The following PDE4D variants were observed in gnomAD, a reference collection of about 807,000 sequenced individuals.
PDE4D encodes phosphodiesterase 4D.
In PDE4D, 24 loss-of-function variants were observed where a neutral mutation model predicts 87.4. That is an observed-to-expected ratio of 0.27 (90% CI 0.20 to 0.39). The LOEUF (loss-of-function observed/expected upper bound fraction) is 0.39, where lower values mean the gene tolerates loss of function less well. PDE4D is among the 10% of genes least tolerant of loss of function. The pLI is 1.00. For synonymous variants in PDE4D, 384 were observed against 383.2 expected, an observed-to-expected ratio of 1.00 and a Z score of -0.02; for missense variants, 714 against 1,041.0, an observed-to-expected ratio of 0.69 and a Z score of 4.32.
At chr5:59,277,887 T>A (rs1051005542) in intron 1 of PDE4D, among the ~76,000 whole-genome samples, 2 of 152,128 alleles carry the variant, frequency 1.3e-5, no homozygotes, top group African/African-American at 4.8e-5. Context: ...CCTAACACAC[T>A]TATTGGGCAT....
At chr5:59,402,434 C>T (rs1790815610) in intron 1 of PDE4D, among the ~76,000 whole-genome samples, 1 of 152,186 alleles carries the variant, frequency 6.6e-6, no homozygotes, top group Non-Finnish European at 1.5e-5. Context: ...GCCAGGTGTA[C>T]ATGTCTCCTC....
intron 2 of PDE4D, among the ~76,000 whole-genome samples, chr5:60,015,697 G>T (rs1002005037): frequency 6.6e-6 from 1 of 152,020 alleles, no homozygotes; most frequent in Non-Finnish European, 1.5e-5. Context: ...ATGTGGATGG[G>T]CCTCACTCAA....
intron 5 of PDE4D, among the ~76,000 whole-genome samples, chr5:59,061,939 G>A (rs1763190355): frequency 6.6e-6 from 1 of 152,056 alleles, no homozygotes; most frequent in African/African-American, 2.4e-5. Context: ...CACTGAAATA[G>A]TGAAGGGATG....
At chr5:59,522,533 TAGGCCCCCAG>T (rs903787454) in intron 1 of PDE4D, among the ~76,000 whole-genome samples, 12 of 152,234 alleles carry the variant, frequency 7.9e-5, no homozygotes, top group African/African-American at 2.7e-4. Flanking sequence ...CTAACTCATT[TAGGCCCCCAG>T]AGTAACTATT....
intron 2 of PDE4D, among the ~76,000 whole-genome samples, chr5:60,137,549 AT>A (rs563993863): frequency 2.0e-4 from 29 of 148,324 alleles, no homozygotes; most frequent in South Asian, 1.5e-3. Flanking sequence ...AAGATCAGTG[AT>A]TTTTTTTTTC....
intron 2 of PDE4D, among the ~76,000 whole-genome samples, chr5:59,993,048 G>C (rs1023391646): frequency 1.3e-5 from 2 of 152,138 alleles, no homozygotes; most frequent in Non-Finnish European, 2.9e-5. Flanking sequence ...TGGCATTATG[G>C]CAGGGAGAAG....
chr5:59,906,876 T>A (rs535334258), intron 3 of PDE4D, among the ~76,000 whole-genome samples: 1 of 152,260 alleles, frequency 6.6e-6, no homozygotes, highest in Admixed American at 6.5e-5. Context: ...AACCCACAAC[T>A]GGGTATATAC....
At chr5:59,116,532 A>T (rs529066103) in intron 5 of PDE4D, among the ~76,000 whole-genome samples, 1 of 152,302 alleles carries the variant, frequency 6.6e-6, no homozygotes, top group East Asian at 1.9e-4. Flanking sequence ...AATCAGCATA[A>T]CTGCAATAAA....
chr5:60,024,328 A>G (rs1442616621), intron 2 of PDE4D, among the ~76,000 whole-genome samples: 1 of 152,228 alleles, frequency 6.6e-6, no homozygotes, highest in Non-Finnish European at 1.5e-5. Context: ...GTGTACAGAC[A>G]TGAAACTATG....
At chr5:60,195,166 T>C (rs984950292) in intron 1 of PDE4D, among the ~76,000 whole-genome samples, 2 of 151,272 alleles carry the variant, frequency 1.3e-5, no homozygotes, top group African/African-American at 4.8e-5. Flanking sequence ...CCTGGAAGAG[T>C]TTCCTGATTC....
At chr5:60,121,706 G>A (rs529176383) in intron 2 of PDE4D, among the ~76,000 whole-genome samples, 19 of 152,218 alleles carry the variant, frequency 1.2e-4, no homozygotes, top group Non-Finnish European at 2.2e-4. Context: ...GGGACACGGA[G>A]CTAAACCATA....
chr5:59,425,675 TTTA>T (rs1310599021), intron 1 of PDE4D, among the ~76,000 whole-genome samples: 1 of 152,204 alleles, frequency 6.6e-6, no homozygotes, highest in African/African-American at 2.4e-5. Flanking sequence ...TTGATAAAGA[TTTA>T]TTGTTTGCAA....
At chr5:59,480,754 C>A (rs1483102293) in intron 1 of PDE4D, among the ~76,000 whole-genome samples, 1 of 152,146 alleles carries the variant, frequency 6.6e-6, no homozygotes, top group Non-Finnish European at 1.5e-5. Context: ...TTCACTCATT[C>A]ATTTATTGAG....
At chr5:60,197,001 G>A (rs1966497) in intron 1 of PDE4D, among the ~76,000 whole-genome samples, 116,743 of 149,146 alleles carry the variant, frequency 0.78, 47,108 homozygotes, top group African/African-American at 0.94. Flanking sequence ...CTGCCTCTCT[G>A]GCAAAAACAA....
intron 1 of PDE4D, among the ~76,000 whole-genome samples, chr5:59,532,212 G>A (rs1814364673): frequency 6.6e-6 from 1 of 152,124 alleles, no homozygotes; most frequent in African/African-American, 2.4e-5. Flanking sequence ...TCAGCACACT[G>A]TAACCTCTGC....
chr5:59,949,785 T>C (rs933245152), intron 3 of PDE4D, among the ~76,000 whole-genome samples: 3 of 152,222 alleles, frequency 2.0e-5, no homozygotes, highest in African/African-American at 7.2e-5. Flanking sequence ...TGTATAGACC[T>C]GATTTAGGGA....
intron 1 of PDE4D, among the ~76,000 whole-genome samples, chr5:60,398,321 T>C (rs1271054127): frequency 6.6e-6 from 1 of 152,176 alleles, no homozygotes; most frequent in Non-Finnish European, 1.5e-5. Flanking sequence ...ATAATGATGG[T>C]GGTAAAAGTG....
At chr5:60,074,974 T>A (rs1204910641) in intron 2 of PDE4D, among the ~76,000 whole-genome samples, 1 of 152,200 alleles carries the variant, frequency 6.6e-6, no homozygotes, top group East Asian at 1.9e-4. Context: ...ACTCTGTGCC[T>A]TTTAATTGGG....
intron 2 of PDE4D, among the ~76,000 whole-genome samples, chr5:60,111,356 C>T (rs1777664654): frequency 6.6e-6 from 1 of 151,852 alleles, no homozygotes; most frequent in South Asian, 2.1e-4. Context: ...TATATGTCAA[C>T]AATAATATTA....
Sources: allele counts gnomAD v4.1 joint callset (sites outside exome capture counted in the v4.1 genomes callset), GRCh38; gene constraint gnomAD v4.1.1; transcripts MANE v1.5; gene names NCBI Gene and HGNC (gene_info 2026-07-23, HGNC 2026-07-21).